The following ADARB2 variants were observed in gnomAD, a reference collection of about 807,000 sequenced individuals.
ADARB2 encodes the protein adenosine deaminase RNA specific B2 (inactive).
ADARB2 carries 25 observed loss-of-function variants against 62.2 expected under a neutral mutation model. The observed-to-expected ratio is 0.40, with a 90% CI of 0.29 to 0.56. ADARB2 has a LOEUF of 0.56. Ranked by LOEUF, ADARB2 falls within the 20% of genes least tolerant of loss-of-function variation. The pLI, the probability that ADARB2 is intolerant of heterozygous loss-of-function variation, is 0.43. For synonymous variants in ADARB2, 572 were observed against 500.8 expected (o/e 1.14, Z -1.90); for missense variants, 1,071 against 1,077.4 (o/e 0.99, Z 0.08).
chr10:1,305,825 A>C (rs1831621836), intron 3 of ADARB2, among the ~76,000 whole-genome samples: 1 of 152,304 alleles, frequency 6.6e-6, no homozygotes, highest in South Asian at 2.1e-4. Flanking sequence ...CAATAGATGC[A>C]GAAAAGGCCT....
intron 1 of ADARB2, among the ~76,000 whole-genome samples, chr10:1,598,268 GTGCCC>G (rs1833363098): frequency 6.6e-6 from 1 of 151,556 alleles, no homozygotes; most frequent in Non-Finnish European, 1.5e-5. Context: ...CCCCTGCTGG[GTGCCC>G]TGCTCACAAT....
chr10:1,525,610 C>T (rs1175316258), intron 1 of ADARB2, among the ~76,000 whole-genome samples: 1 of 152,098 alleles, frequency 6.6e-6, no homozygotes, highest in East Asian at 1.9e-4. Flanking sequence ...GTCCTGTTAC[C>T]TCGGAGGGGT....
chr10:1,369,157 C>T (rs1324675590), intron 2 of ADARB2, among the ~76,000 whole-genome samples: 2 of 152,198 alleles, frequency 1.3e-5, no homozygotes, highest in African/African-American at 4.8e-5. Context: ...CTCCCCTCCC[C>T]GACCCAGGAA....
At chr10:1,413,347 G>A (rs1029005924) in intron 1 of ADARB2, among the ~76,000 whole-genome samples, 11 of 152,148 alleles carry the variant, frequency 7.2e-5, no homozygotes, top group South Asian at 2.1e-4. Context: ...TAGAAACGGC[G>A]TCGGGTCTCG....
At chr10:1,362,823 G>A (rs1832272252) in intron 3 of ADARB2, among the ~76,000 whole-genome samples, 1 of 152,194 alleles carries the variant, frequency 6.6e-6, no homozygotes, top group South Asian at 2.1e-4. Context: ...CTCCCGGGCA[G>A]CCGCATTGTC....
chr10:1,260,918 G>A (rs1478815100), intron 4 of ADARB2, among the ~76,000 whole-genome samples: 13 of 145,222 alleles, frequency 9.0e-5, no homozygotes, highest in African/African-American at 3.3e-4. Context: ...CAAGGCTACA[G>A]TAACCAAAAC....
chr10:1,279,864 G>A (rs545899461), intron 3 of ADARB2, among the ~76,000 whole-genome samples: 6 of 152,252 alleles, frequency 3.9e-5, no homozygotes, highest in African/African-American at 1.4e-4. Flanking sequence ...TCAGCTTCAG[G>A]GTGGGCAAAT....
chr10:1,459,589 C>G (rs930472978), intron 1 of ADARB2, among the ~76,000 whole-genome samples: 1 of 152,218 alleles, frequency 6.6e-6, no homozygotes, highest in African/African-American at 2.4e-5. Context: ...CATGGCCAAA[C>G]CCCGTCTCTA....
intron 1 of ADARB2, among the ~76,000 whole-genome samples, chr10:1,588,202 C>T (rs892299739): frequency 3.9e-5 from 6 of 152,174 alleles, no homozygotes; most frequent in Non-Finnish European, 8.8e-5. Flanking sequence ...ACCCTCTCCC[C>T]AATCCCTCCA....
intron 1 of ADARB2, among the ~76,000 whole-genome samples, chr10:1,483,347 A>G (rs1017295380): frequency 2.0e-5 from 3 of 152,226 alleles, no homozygotes; most frequent in African/African-American, 7.2e-5. Flanking sequence ...GGGATCTAGG[A>G]AACCCCGTTA....
At position 1,716,307 on chromosome 10, in the gene ADARB2, T is replaced by C. The variant is rs369207038; in HGVS notation, c.100+20744A>G. ...CAGAAAATGATAAACATTTGTCCAATACAGCTGGAGACAGTCAGGAAGAAG... is the reference window on the plus strand; with the variant it reads ...CAGAAAATGATAAACATTTGTCCAACACAGCTGGAGACAGTCAGGAAGAAG... On this transcript the variant is annotated intron_variant, in intron 1 of 9. Coordinates refer to ENST00000381312, the MANE Select transcript of ADARB2 (RefSeq NM_018702.4). 7.2e-5 allele frequency among the ~76,000 whole-genome samples: 11 copies of C among 152,156 alleles called. No individual in the cohort carries two copies. The East Asian group carries it at 1.3e-3, about 19-fold the overall frequency.
Position 1,407,527 on chromosome 10 carries a change from A to G in ADARB2, c.101-28367T>C, listed in dbSNP as rs375918505. On this transcript the variant is annotated intron_variant, in intron 1 of 9. Coordinates refer to ENST00000381312, the MANE Select transcript of ADARB2 (RefSeq NM_018702.4). Reference sequence around the variant, plus strand: ...GAGACTCAGAGGCTTGGGGAAGTTGACGGTAGGGGGCAGGGAGTCATTGCT... The same window carrying G: ...GAGACTCAGAGGCTTGGGGAAGTTGGCGGTAGGGGGCAGGGAGTCATTGCT... Among the ~76,000 whole-genome samples, 9 of 152,244 alleles carry G rather than the reference A, an allele frequency of 5.9e-5. No homozygotes were observed. The South Asian group carries it at 1.9e-3, about 32-fold the overall frequency.
chr10:1,608,216 G>T (rs549597056), intron 1 of ADARB2, among the ~76,000 whole-genome samples: 14 of 152,340 alleles, frequency 9.2e-5, no homozygotes, highest in African/African-American at 3.4e-4. Flanking sequence ...TATTAAAGGA[G>T]GAAAAGGTAT....
chr10:1,327,960 C>CAGCCCAGCGGCTCCTCA (rs1255862930), intron 3 of ADARB2, among the ~76,000 whole-genome samples: 1 of 144,454 alleles, frequency 6.9e-6, no homozygotes, highest in African/African-American at 2.6e-5. Flanking sequence ...CAGTGTCTCA[C>CAGCCCAGCGGCTCCTCA]CAGTACTCAG....
At chr10:1,470,004 C>T (rs1831300422) in intron 1 of ADARB2, among the ~76,000 whole-genome samples, 1 of 151,770 alleles carries the variant, frequency 6.6e-6, no homozygotes. Context: ...GCCTGGGAGC[C>T]CGGGTAGGCT....
chr10:1,311,268 C>G (rs1267179983), intron 3 of ADARB2, among the ~76,000 whole-genome samples: 7 of 152,238 alleles, frequency 4.6e-5, no homozygotes, highest in Admixed American at 1.3e-4. Context: ...ACACCAGGCA[C>G]TTGTGGTGCT....
chr10:1,274,068 G>A (rs930291988), intron 3 of ADARB2, among the ~76,000 whole-genome samples: 1 of 152,242 alleles, frequency 6.6e-6, no homozygotes, highest in Non-Finnish European at 1.5e-5. Context: ...GTCCAAAGCT[G>A]ATGTCTGAGA....
At chr10:1,580,199 C>G (rs190815094) in intron 1 of ADARB2, among the ~76,000 whole-genome samples, 2 of 152,242 alleles carry the variant, frequency 1.3e-5, no homozygotes, top group Middle Eastern at 3.4e-3. Context: ...CATTGGTGTA[C>G]AGATTATTTC....
At chr10:1,226,659 G>C (rs983745342) in intron 6 of ADARB2, among the ~76,000 whole-genome samples, 1 of 152,186 alleles carries the variant, frequency 6.6e-6, no homozygotes, top group African/African-American at 2.4e-5. Context: ...GTCTGTTGGA[G>C]TTTGTTAGAG....
Sources: gnomAD v4.1 joint callset for allele counts (sites outside exome capture counted in the v4.1 genomes callset) on GRCh38, gnomAD v4.1.1 for gene constraint, MANE v1.5 for transcripts, NCBI Gene and HGNC (gene_info 2026-07-23, HGNC 2026-07-21) for gene names.